INPP5F: variants seen among roughly 807,000 people sequenced by gnomAD.
The protein encoded by INPP5F is phosphatidylinositide 4-phosphatase SAC2.
In INPP5F, 97 loss-of-function variants were observed where a neutral mutation model predicts 137.2. The observed-to-expected ratio is 0.71, with a 90% confidence interval of 0.60 to 0.84. The LOEUF (loss-of-function observed/expected upper bound fraction) is 0.84. Ranked by LOEUF, INPP5F falls within the 40% of genes least tolerant of loss-of-function variation. The pLI, the probability that INPP5F is intolerant of heterozygous loss-of-function variation, is 0.00. For synonymous variants in INPP5F, 504 were observed against 476.9 expected (o/e 1.06, Z -0.74); for missense variants, 1,271 against 1,371.9 (o/e 0.93, Z 1.16).
At chr10:119,778,350 G>A (rs993863511) in intron 2 of INPP5F, among the ~76,000 whole-genome samples, 1 of 152,080 alleles carries the variant, frequency 6.6e-6, no homozygotes, top group Non-Finnish European at 1.5e-5. Flanking sequence ...GAAATATATG[G>A]TGTTATTTTT....
intron 1 of INPP5F, among the ~76,000 whole-genome samples, chr10:119,732,818 A>G (rs958862275): frequency 1.3e-5 from 2 of 152,180 alleles, no homozygotes; most frequent in Non-Finnish European, 2.9e-5. Flanking sequence ...CTCAGCTGCA[A>G]CTGAGCACTT....
chr10:119,776,773 C>T (rs1278319132), intron 2 of INPP5F, among the ~76,000 whole-genome samples: 2 of 151,428 alleles, frequency 1.3e-5, no homozygotes, highest in African/African-American at 4.9e-5. Context: ...TTTTTAGAGA[C>T]ATAGTCTTGC....
At chr10:119,754,285 T>G (rs1443173172) in intron 2 of INPP5F, among the ~76,000 whole-genome samples, 1 of 152,204 alleles carries the variant, frequency 6.6e-6, no homozygotes, top group Admixed American at 6.5e-5. Context: ...AGAAGCTGTC[T>G]CCTACAAATA....
intron 2 of INPP5F, among the ~76,000 whole-genome samples, chr10:119,766,965 C>T (rs1028967521): frequency 4.0e-5 from 6 of 151,626 alleles, no homozygotes; most frequent in African/African-American, 9.7e-5. Flanking sequence ...ATTAGCCAGG[C>T]GTGGTGATGG....
intron 2 of INPP5F, among the ~76,000 whole-genome samples, chr10:119,777,900 A>G (rs41516948): frequency 0.042 from 6,342 of 152,284 alleles, 239 homozygotes; most frequent in South Asian, 0.22. Flanking sequence ...CATTTATGAA[A>G]CGCTTAAAGC....
Position 119,827,326 on chromosome 10 carries a change from A to G in INPP5F, c.2945A>G (p.Gln982Arg). ...CTATCAGAGACCAGATCTGTGTCTCAGCAGGCTAGTCAGGAAAGAAATCAA... is the reference window on the plus strand; with the variant it reads ...CTATCAGAGACCAGATCTGTGTCTCGGCAGGCTAGTCAGGAAAGAAATCAA... The part of the protein sequence containing the change: ...THLSETRSVS[Q>R]QASQERNQMT... The change falls in exon 20 of 20, where the codon CAG (glutamine) becomes CGG (arginine). Residue 982 changes from glutamine (Q) to arginine (R), a missense_variant. By Grantham distance (43) the Gln-to-Arg change is conservative (BLOSUM62 1). Around this residue, in one of 6 missense-constraint regions of INPP5F, gnomAD observed 490 missense variants for 443.7 expected, o/e 1.10. Coordinates refer to ENST00000650623, the MANE Select transcript of INPP5F (RefSeq NM_014937.4). 1 of 1,614,144 alleles carries G rather than the reference A, an allele frequency of 6.2e-7. No individual in the cohort carries two copies.
intron 15 of INPP5F, among the ~76,000 whole-genome samples, chr10:119,814,267 G>C (rs1261570279): frequency 6.6e-6 from 1 of 152,038 alleles, no homozygotes; most frequent in Non-Finnish European, 1.5e-5. Flanking sequence ...CGTGCCTGTA[G>C]TCTCAGCTAC....
chr10:119,783,469 G>A (rs1849775033), intron 3 of INPP5F, among the ~76,000 whole-genome samples: 2 of 152,130 alleles, frequency 1.3e-5, no homozygotes, highest in African/African-American at 4.8e-5. Flanking sequence ...CCAGTTCTTC[G>A]GAAATTAAAT....
At chr10:119,821,638 T>C (rs1375786362) in intron 16 of INPP5F, among the ~76,000 whole-genome samples, 1 of 152,192 alleles carries the variant, frequency 6.6e-6, no homozygotes, top group African/African-American at 2.4e-5. Context: ...ATTTTGGATA[T>C]CAGATTTAAC....
At position 119,750,931 on chromosome 10, in the gene INPP5F, A is replaced by C. The variant is rs894239827; in HGVS notation, c.98-145A>C. 9.4e-6 allele frequency: 6 copies of C among 636,654 alleles called. No individual in the cohort carries two copies. The African/African-American group carries it at 1.1e-4, about 12-fold the overall frequency. The allele number at this position is 636,654 out of a possible 1,614,324, so 39.4% of individuals were successfully genotyped here. ...GCCTCACATTTAATACTTTGTCACA[A>C]ATTGCTTTATGGTAATGTATTCCAT... On this transcript the variant is annotated intron_variant, in intron 1 of 19. Coordinates refer to ENST00000650623, the MANE Select transcript of INPP5F (RefSeq NM_014937.4).
intron 15 of INPP5F, among the ~76,000 whole-genome samples, chr10:119,817,738 A>C (rs1365637817): frequency 6.6e-6 from 1 of 152,232 alleles, no homozygotes; most frequent in African/African-American, 2.4e-5. Flanking sequence ...GATTAGGGTC[A>C]AGTGAGTGAG....
intron 3 of INPP5F, among the ~76,000 whole-genome samples, chr10:119,785,850 C>T (rs1849890824): frequency 1.3e-5 from 2 of 151,952 alleles, no homozygotes; most frequent in Non-Finnish European, 1.5e-5. Context: ...TGGAGTGAGA[C>T]CCTGTCTCTA....
chr10:119,762,152 T>G (rs1849028510), intron 2 of INPP5F, among the ~76,000 whole-genome samples: 1 of 152,238 alleles, frequency 6.6e-6, no homozygotes, highest in South Asian at 2.1e-4. Context: ...TTCAAACTTG[T>G]GTTGTTCAAG....
chr10:119,786,433 GT>G (rs1387993161), intron 3 of INPP5F, among the ~76,000 whole-genome samples: 1 of 152,164 alleles, frequency 6.6e-6, no homozygotes, highest in Admixed American at 6.5e-5. Flanking sequence ...CTCTATCCCT[GT>G]TTTTTGTCAG....
chr10:119,818,768 G>A (rs1389939386), intron 15 of INPP5F: 5 of 152,304 alleles, frequency 3.3e-5, no homozygotes, highest in Non-Finnish European at 5.9e-5. Flanking sequence ...AGCTGTTTGA[G>A]CCTCGAGGCA....
chr10:119,823,739 G>T, intron 18 of INPP5F, 76 bp from the exon 19 acceptor site: 2 of 1,088,450 alleles, frequency 1.8e-6, no homozygotes, highest in Non-Finnish European at 1.4e-6. Flanking sequence ...TTCATTCAGC[G>T]CTAAATGGGT....
At chr10:119,804,789 T>C (rs1181996149) in intron 10 of INPP5F, among the ~76,000 whole-genome samples, 1 of 151,734 alleles carries the variant, frequency 6.6e-6, no homozygotes, top group Non-Finnish European at 1.5e-5. Flanking sequence ...TGCGGTGGTG[T>C]GATCTGGGCT....
At chr10:119,806,287 C>T (rs760405953) in intron 11 of INPP5F, 73 bp from the exon 12 acceptor site, 3 of 1,114,608 alleles carry the variant, frequency 2.7e-6, no homozygotes, top group Non-Finnish European at 2.5e-6. Flanking sequence ...TATTGATATA[C>T]TTTAAAGAAT....
At chr10:119,785,106 G>C (rs570032720) in intron 3 of INPP5F, among the ~76,000 whole-genome samples, 87 of 151,930 alleles carry the variant, frequency 5.7e-4, no homozygotes, top group African/African-American at 2.1e-3. Context: ...TTGTTCATCA[G>C]TTGGTAGACA....
Sources: gnomAD v4.1 joint callset for allele counts (sites outside exome capture counted in the v4.1 genomes callset) on GRCh38, gnomAD v4.1.1 for gene constraint, gnomAD v4.1.1 regional missense constraint, MANE v1.5 for transcripts, NCBI Gene and HGNC (gene_info 2026-07-23, HGNC 2026-07-21) for gene names.